Variants in AXDND1 observed in about 807,000 individuals in gnomAD.
AXDND1 encodes the protein axonemal dynein light chain domain-containing protein 1.
In AXDND1, 110 loss-of-function variants were observed where a neutral mutation model predicts 137.5. The observed-to-expected ratio is 0.80, with a 90% CI of 0.69 to 0.94. AXDND1 has a LOEUF of 0.94. Among genes scored for constraint, AXDND1 ranks in the 40% least tolerant of loss-of-function variants. AXDND1 has a pLI of 0.00. For synonymous variants in AXDND1, 414 were observed against 399.7 expected (o/e 1.04, Z -0.43); for missense variants, 1,191 against 1,169.8 (o/e 1.02, Z -0.26).
In AXDND1 at chr1:179,539,910, T is replaced by C. The variant is rs545427091; in HGVS notation, c.3031+4948T>C. Among the ~76,000 whole-genome samples, 7 of 152,048 alleles carry C rather than the reference T, an allele frequency of 4.6e-5. No individual in the cohort carries two copies. The East Asian group carries it at 1.2e-3, about 25-fold the overall frequency. On this transcript the variant is annotated intron_variant, in intron 25 of 25. Transcript: ENST00000367618. ...TTTCTTTTCAGTCTTTTTTCTCTGA[T>C]CTTTTCTTCTCTCTTTATTTTATTA...
At position 179,368,892 on chromosome 1, in the gene AXDND1, C is replaced by A; in HGVS notation, c.190C>A (p.Leu64Ile). The A allele has an allele frequency of 6.2e-7, 1 of 1,613,864 alleles. No individual in the cohort carries two copies. The highest frequency in any genetic ancestry group is 8.5e-7 in the Non-Finnish European group (1 of 1,179,814). ...LQNEFIPKEVLLSLTYAANAG... is the reference protein window; with the variant it reads ...LQNEFIPKEVILSLTYAANAG... ...GAATGAGTTCATTCCCAAAGAAGTT[C>A]TTCTTTCTCTGACCTATGCGGCCAA... Residue 64 changes from leucine to isoleucine, a missense_variant, in exon 3 of 26, where the codon CTT becomes ATT. Leu to Ile is a conservative substitution (Grantham distance 5). Coordinates refer to ENST00000367618, the MANE Select transcript of AXDND1 (RefSeq NM_144696.6).
At chr1:179,553,243 A>G (rs910783509) in intron 25 of AXDND1, among the ~76,000 whole-genome samples, 1 of 152,250 alleles carries the variant, frequency 6.6e-6, no homozygotes, top group Non-Finnish European at 1.5e-5. Flanking sequence ...GTGACCTAGT[A>G]ATTCTACTTC....
At chr1:179,443,702 G>T (rs1659320311) in intron 15 of AXDND1, among the ~76,000 whole-genome samples, 1 of 152,108 alleles carries the variant, frequency 6.6e-6, no homozygotes, top group Non-Finnish European at 1.5e-5. Context: ...TGTCCTCAGG[G>T]TTCATCCATT....
intron 16 of AXDND1, among the ~76,000 whole-genome samples, chr1:179,464,745 G>C (rs1662879051): frequency 6.6e-6 from 1 of 152,170 alleles, no homozygotes; most frequent in African/African-American, 2.4e-5. Context: ...GTCACTTTCA[G>C]ATACACCAAT....
At chr1:179,523,546 T>G (rs1038223627) in intron 21 of AXDND1, among the ~76,000 whole-genome samples, 7 of 152,154 alleles carry the variant, frequency 4.6e-5, no homozygotes, top group African/African-American at 1.4e-4. Context: ...ATTTCCCCTT[T>G]CTTCTCAGGC....
Position 179,432,334 on chromosome 1 carries a change from T to C in AXDND1, c.1555T>C (p.Trp519Arg). The change falls in exon 15 of 26, where the codon TGG (tryptophan) becomes CGG (arginine). Residue 519 changes from tryptophan to arginine, a missense_variant. Physicochemically the swap from Trp to Arg is moderately radical, Grantham distance 101. Transcript: ENST00000367618. ...FNSVLLDFKQ[W>R]QKILNEKKEE... ...TTCAGTTCTTTTAGACTTCAAACAG[T>C]GGCAGAAGGTAAGACTTTTTAATAA... 1 of 1,571,872 alleles carries C rather than the reference T, an allele frequency of 6.4e-7. No individual in the cohort carries two copies. Among genetic ancestry groups the C allele is most frequent in the Non-Finnish European group, 8.6e-7 (1 of 1,156,338 alleles).
chr1:179,434,153 G>A (rs759016990), intron 15 of AXDND1, among the ~76,000 whole-genome samples: 10 of 151,880 alleles, frequency 6.6e-5, no homozygotes, highest in Non-Finnish European at 1.0e-4. Flanking sequence ...GGTCTATTTT[G>A]TCAGAGACTA....
chr1:179,499,382 A>G (rs1667772414), intron 20 of AXDND1, among the ~76,000 whole-genome samples: 1 of 152,056 alleles, frequency 6.6e-6, no homozygotes, highest in African/African-American at 2.4e-5. Flanking sequence ...AAATATTTCA[A>G]AAGACCTCAT....
At chr1:179,367,948 C>G (rs940720770) in intron 2 of AXDND1, among the ~76,000 whole-genome samples, 6 of 151,496 alleles carry the variant, frequency 4.0e-5, no homozygotes, top group Non-Finnish European at 8.8e-5. Context: ...GCACCTTGTA[C>G]TAAAACCCCA....
chr1:179,409,119 A>G (rs1331393237), intron 11 of AXDND1, among the ~76,000 whole-genome samples: 1 of 151,710 alleles, frequency 6.6e-6, no homozygotes, highest in Admixed American at 6.6e-5. Context: ...TATTTGTGTC[A>G]TCTTCAATTT....
chr1:179,383,563 G>A lies in AXDND1; in HGVS notation c.741+19G>A. The A allele has an allele frequency of 1.3e-6, 2 of 1,584,298 alleles. No homozygotes were observed. Among genetic ancestry groups the A allele is most frequent in the Non-Finnish European group, 1.7e-6 (2 of 1,153,694 alleles). On this transcript the variant is annotated intron_variant, in intron 8 of 25. Transcript: ENST00000367618. ...AACGAAGGTAATTGCAAAGCCGAAT[G>A]CAACCTGGTGGCTAAGAGCATGCAC...
In AXDND1 at chr1:179,524,580, T is replaced by G. The variant is rs571036098; in HGVS notation, c.2497-754T>G. ...ATTGTCTCTGTGAATGGCATTGTCA[T>G]CTCTCTAGTGGTCTAAACTGTAAAC... is the stretch of plus-strand genomic sequence containing the variant. On this transcript the variant is annotated intron_variant, in intron 21 of 25. Coordinates refer to ENST00000367618, the MANE Select transcript of AXDND1 (RefSeq NM_144696.6). Among the ~76,000 whole-genome samples the G allele has an allele frequency of 2.0e-5, 3 of 152,304 alleles. No homozygotes were observed. In the South Asian group the frequency reaches 6.2e-4, roughly 32 times the overall value.
intron 22 of AXDND1, 111 bp downstream of exon 22, chr1:179,525,558 A>G (rs2125686597): frequency 7.8e-7 from 1 of 1,277,420 alleles, no homozygotes; most frequent in African/African-American, 1.5e-5. Context: ...GTGCTGTGGT[A>G]TCATCATAGC....
At chr1:179,416,032 C>A (rs1041332067) in intron 12 of AXDND1, among the ~76,000 whole-genome samples, 1 of 152,120 alleles carries the variant, frequency 6.6e-6, no homozygotes, top group Non-Finnish European at 1.5e-5. Flanking sequence ...AACACTAGGA[C>A]TTATTTCTTC....
intron 16 of AXDND1, chr1:179,452,074 G>A (rs1660619137): frequency 6.6e-6 from 1 of 152,618 alleles, no homozygotes. Flanking sequence ...CTTGTTGAAT[G>A]GCTTTGAACA....
intron 7 of AXDND1, among the ~76,000 whole-genome samples, 168 bp from the exon 8 acceptor site, chr1:179,383,274 A>G (rs1477663334): frequency 6.6e-6 from 1 of 152,100 alleles, no homozygotes; most frequent in African/African-American, 2.4e-5. Context: ...TTTTTCTACT[A>G]TATTATTGAT....
At chr1:179,519,491 G>A (rs778394135) in intron 21 of AXDND1, among the ~76,000 whole-genome samples, 94 of 152,154 alleles carry the variant, frequency 6.2e-4, no homozygotes, top group Non-Finnish European at 8.1e-4. Context: ...TATTGCCAAG[G>A]TTGTCTTCCA....
chr1:179,477,786 C>T (rs781395547), intron 17 of AXDND1, among the ~76,000 whole-genome samples: 1 of 152,218 alleles, frequency 6.6e-6, no homozygotes, highest in Non-Finnish European at 1.5e-5. Flanking sequence ...CAAAAGTCCA[C>T]AGTCCAAAGT....
At chr1:179,479,223 T>TGG (rs1665011480) in intron 17 of AXDND1, among the ~76,000 whole-genome samples, 1 of 152,190 alleles carries the variant, frequency 6.6e-6, no homozygotes, top group Non-Finnish European at 1.5e-5. Flanking sequence ...ATGCCTGTAA[T>TGG]CCCAGCACTT....
Sources: allele counts gnomAD v4.1 joint callset (sites outside exome capture counted in the v4.1 genomes callset), GRCh38; gene constraint gnomAD v4.1.1; transcripts MANE v1.5; gene names NCBI Gene and HGNC (gene_info 2026-07-23, HGNC 2026-07-21).